Variants in GANAB observed in about 807,000 individuals in gnomAD.
GANAB encodes the protein neutral alpha-glucosidase AB.
GANAB carries 35 observed loss-of-function variants against 129.9 expected under a neutral mutation model. That is an observed-to-expected ratio of 0.27 (90% confidence interval 0.21 to 0.36). The LOEUF is 0.36. GANAB is among the 10% of genes least tolerant of loss of function. GANAB has a pLI of 1.00. For synonymous variants in GANAB, 482 were observed against 451.8 expected (o/e 1.07, Z -0.85); for missense variants, 939 against 1,221.0 (o/e 0.77, Z 3.44).
At chr11:62,633,878 C>T (rs958423637) in intron 5 of GANAB, 3 of 413,166 alleles carry the variant, frequency 7.3e-6, no homozygotes, top group African/African-American at 2.0e-5. Context: ...CTCCCTGGGC[C>T]TCAGCCTCCT....
intron 8 of GANAB, 76 bp downstream of exon 8, chr11:62,632,929 T>C (rs1943756915): frequency 7.9e-6 from 8 of 1,009,988 alleles, no homozygotes; most frequent in African/African-American, 1.6e-5. Flanking sequence ...GAGTATCCAA[T>C]ATGCACACCC....
At position 62,636,116 on chromosome 11, in the gene GANAB, G is replaced by A. The variant is rs1461338537; in HGVS notation, c.381-1116C>T. On this transcript the variant is annotated intron_variant, in intron 4 of 23. Coordinates refer to ENST00000356638, the MANE Select transcript of GANAB (RefSeq NM_198334.3). ...AGTGATTCTTGTGCATCAGGCACCC[G>A]AGTAGCTGGAATTACAGGCGCCCAC... 4.0e-5 allele frequency among the ~76,000 whole-genome samples: 6 copies of A among 151,874 alleles called. No individual in the cohort carries two copies. The South Asian group carries it at 8.3e-4, about 21-fold the overall frequency.
intron 5 of GANAB, chr11:62,633,862 A>G (rs79690484): frequency 0.028 from 12,026 of 428,320 alleles, 259 homozygotes; most frequent in Non-Finnish European, 0.04. Context: ...TCTGGCCCCA[A>G]GTGCTCTCCC....
chr11:62,627,175 G>C, intron 18 of GANAB, 51 bp from the exon 19 acceptor site: 1 of 1,527,356 alleles, frequency 6.5e-7, no homozygotes. Flanking sequence ...TCCCAGAACA[G>C]GGAACACCAA....
chr11:62,646,430 C>T (rs1264505701), intron 1 of GANAB, 132 bp downstream of exon 1: 8 of 1,058,250 alleles, frequency 7.6e-6, no homozygotes, highest in South Asian at 4.1e-5. Context: ...TCTGAGGCCG[C>T]CTCCAGAGGA....
intron 5 of GANAB, 126 bp downstream of exon 5, chr11:62,634,695 A>G (rs1943856789): frequency 2.5e-6 from 2 of 788,390 alleles, no homozygotes; most frequent in Non-Finnish European, 2.1e-6. Flanking sequence ...TCCCTGACAG[A>G]GAGCTTCTCC....
rs2276296 is a variant in GANAB, at chr11:62,634,921, G to C, written c.460C>G (p.Arg154Gly). Residue 154 changes from arginine to glycine, a missense_variant, in exon 5 of 24, where the codon CGG becomes GGG. Arg to Gly is a moderately radical substitution (Grantham distance 125). Transcript: ENST00000356638. ...TCTAGTAGGTCAAGGCGGAATGGCC[G>C]TGCTGTCAAGATGATCTTGTAGGGT... ...EGPYKIILTA[R>G]PFRLDLLEDR... 6.2e-6 allele frequency: 10 copies of C among 1,613,216 alleles called. No individual in the cohort carries two copies. In the South Asian group the frequency reaches 1.1e-4, roughly 18 times the overall value.
At chr11:62,644,091 C>T (rs1297621677) in intron 1 of GANAB, among the ~76,000 whole-genome samples, 1 of 152,050 alleles carries the variant, frequency 6.6e-6, no homozygotes, top group African/African-American at 2.4e-5. Context: ...ATTACAGGCG[C>T]GTGCCACCAC....
Position 62,635,479 on chromosome 11 carries a change from C to T in GANAB, c.381-479G>A, listed in dbSNP as rs115632217. ...ACAGGCGTGAGCCACTGTGCCTGGC[C>T]ACTTATTACTTTTTTAAATGTACTA... On this transcript the variant is annotated intron_variant, in intron 4 of 23. Coordinates refer to ENST00000356638, the MANE Select transcript of GANAB (RefSeq NM_198334.3). Among the ~76,000 whole-genome samples the T allele has an allele frequency of 8.1e-3, 1,233 of 151,846 alleles. 12 individuals are homozygous for T. The highest frequency in any genetic ancestry group is 0.028 in the African/African-American group (1,167 of 41,376).
Position 62,631,088 on chromosome 11 carries a change from G to A in GANAB, c.1092C>T (p.Val364=). Residue 364 remains valine (V), a synonymous_variant, in exon 10 of 24, where the codon GTC becomes GTT. Transcript: ENST00000356638. ...RWMSETGIID[V]FLLLGPSISD... Reference sequence around the variant, plus strand: ...AGATGGAGGGCCCCAGCAGCAGGAAGACGTCAATGATGCCAGTCTCTGACA... The same window carrying A: ...AGATGGAGGGCCCCAGCAGCAGGAAAACGTCAATGATGCCAGTCTCTGACA... 6.2e-7 allele frequency: 1 copy of A among 1,611,230 alleles called. No homozygotes were observed. The highest frequency in any genetic ancestry group is 8.5e-7 in the Non-Finnish European group (1 of 1,177,522).
chr11:62,631,186 G>C lies in GANAB; in HGVS notation c.997-3C>G. ...TCCATCATCTTCCCAAACAGGGTCT[G>C]TATAGGTGACCACAAAGGGGTCAGA... On this transcript the variant is annotated splice_region_variant and splice_polypyrimidine_tract_variant and intron_variant, in intron 9 of 23. Transcript: ENST00000356638. 1 of 1,567,734 alleles carries C rather than the reference G, an allele frequency of 6.4e-7. No individual in the cohort carries two copies. Among genetic ancestry groups the C allele is most frequent in the Non-Finnish European group, 8.7e-7 (1 of 1,148,484 alleles).
In GANAB at chr11:62,630,250, T is replaced by G. The variant is rs1247244788; in HGVS notation, c.1540A>C (p.Asn514His). 9 of 1,613,652 alleles carry G rather than the reference T, an allele frequency of 5.6e-6. No individual in the cohort carries two copies. Among genetic ancestry groups the G allele is most frequent in the Non-Finnish European group, 5.9e-6 (7 of 1,179,810 alleles). Residue 514 changes from asparagine to histidine, a missense_variant, in exon 13 of 24, where the codon AAT (asparagine) becomes CAT (histidine). Asn to His is a moderately conservative substitution (Grantham distance 68, BLOSUM62 1). Coordinates refer to ENST00000356638, the MANE Select transcript of GANAB (RefSeq NM_198334.3). ...PGSAGYPDFT[N>H]PTMRAWWANM... ...GCCCACCAGGCCCTCATCGTGGGAT[T>G]AGTGAAGTCAGGGTAACCAGCTGAG...
Position 62,627,039 on chromosome 11 carries a change from TTA to T in GANAB, c.2322+7_2322+8del, listed in dbSNP as rs1328437168. The T allele has an allele frequency of 6.2e-7, 1 of 1,611,862 alleles. No individual in the cohort carries two copies. The highest frequency in any genetic ancestry group is 1.1e-5 in the South Asian group (1 of 91,036). On this transcript the variant is annotated splice_region_variant and intron_variant, in intron 19 of 23. Transcript: ENST00000356638. ...CCATCTTTCCCCACCATGCCCTTCC[TTA>T]ACTCACCTCCCCTTGGCCAGGCAGA...
Position 62,638,999 on chromosome 11 carries a change from C to G in GANAB, c.364G>C (p.Asp122His). 1 of 1,613,878 alleles carries G rather than the reference C, an allele frequency of 6.2e-7. No homozygotes were observed. Among genetic ancestry groups the G allele is most frequent in the Non-Finnish European group, 8.5e-7 (1 of 1,179,816 alleles). ...RYRVPDVLVA[D>H]PPIARLSVSG... ...AAAATTTACCGGGCTATTGGTGGAT[C>G]AGCCACCAAAACATCTGGTACACGG... Residue 122 changes from aspartate to histidine, a missense_variant, in exon 4 of 24, where the codon GAT (aspartate) becomes CAT (histidine). By Grantham distance (81) the Asp-to-His change is moderately conservative (BLOSUM62 -1). Around this residue, in one of 5 missense-constraint regions of GANAB, gnomAD observed 321 missense variants for 329.1 expected, o/e 0.98. Coordinates refer to ENST00000356638, the MANE Select transcript of GANAB (RefSeq NM_198334.3).
Position 62,630,171 on chromosome 11 carries a change from AGGTCAT to A in GANAB, c.1593+20_1593+25del, listed in dbSNP as rs766050781. On this transcript the variant is annotated intron_variant, in intron 13 of 23. Coordinates refer to ENST00000356638, the MANE Select transcript of GANAB (RefSeq NM_198334.3). Reference sequence around the variant, plus strand: ...GGAGGCAGGTGGAACAGACAGACGCAGGTCATGGGGAGAGGCCTTCCCTACCTCATA... The same window carrying A: ...GGAGGCAGGTGGAACAGACAGACGCAGGGGAGAGGCCTTCCCTACCTCATA... 24 of 1,545,774 alleles carry A rather than the reference AGGTCAT, an allele frequency of 1.6e-5. No individual in the cohort carries two copies. The East Asian group carries it at 4.7e-4, about 30-fold the overall frequency.
chr11:62,635,231 C>T (rs1943893126), intron 4 of GANAB, among the ~76,000 whole-genome samples: 1 of 151,526 alleles, frequency 6.6e-6, no homozygotes, highest in South Asian at 2.1e-4. Context: ...GTTGCCCAGG[C>T]TGGAGTGCAA....
intron 1 of GANAB, among the ~76,000 whole-genome samples, chr11:62,645,410 C>T (rs1159055860): frequency 6.6e-6 from 1 of 152,016 alleles, no homozygotes; most frequent in Admixed American, 6.6e-5. Context: ...GTGGCGGGTG[C>T]CTGTAGTCCC....
intron 1 of GANAB, among the ~76,000 whole-genome samples, chr11:62,642,727 C>T (rs1202872613): frequency 2.0e-5 from 3 of 152,080 alleles, no homozygotes; most frequent in Non-Finnish European, 4.4e-5. Flanking sequence ...GTCATCGCGC[C>T]CCACTGGCTA....
At chr11:62,632,302 A>G (rs1010418127) in intron 9 of GANAB, among the ~76,000 whole-genome samples, 5 of 152,116 alleles carry the variant, frequency 3.3e-5, no homozygotes, top group Non-Finnish European at 7.4e-5. Context: ...AGTTAACACT[A>G]TATCCCCAGC....
Sources: allele counts gnomAD v4.1 joint callset (sites outside exome capture counted in the v4.1 genomes callset), GRCh38; gene constraint gnomAD v4.1.1; regional missense constraint gnomAD v4.1.1; transcripts MANE v1.5; gene names NCBI Gene and HGNC (gene_info 2026-07-23, HGNC 2026-07-21).